Variants in PPARGC1A observed in about 807,000 individuals in gnomAD.
The protein encoded by PPARGC1A is PPARG coactivator 1 alpha, also known as peroxisome proliferator-activated receptor gamma coactivator 1-alpha.
In PPARGC1A, 25 loss-of-function variants were observed where a neutral mutation model predicts 88.7. That is an observed-to-expected ratio of 0.28 (90% confidence interval 0.21 to 0.39). The LOEUF (loss-of-function observed/expected upper bound fraction) is 0.39. PPARGC1A is among the 10% of genes least tolerant of loss of function. The pLI is 1.00. For missense variants in PPARGC1A, 880 were observed against 968.7 expected (o/e 0.91, Z 1.22); for synonymous variants, 363 against 355.6 (o/e 1.02, Z -0.24).
the PPARGC1A span, among the ~76,000 whole-genome samples, chr4:24,290,976 C>G: frequency 2.0e-5 from 3 of 152,100 alleles, no homozygotes; most frequent in Non-Finnish European, 2.9e-5. Flanking sequence ...AATATTGGTT[C>G]GATTCTACTT....
the PPARGC1A span, among the ~76,000 whole-genome samples, chr4:24,233,873 C>A: frequency 1.3e-5 from 2 of 152,066 alleles, no homozygotes; most frequent in Non-Finnish European, 2.9e-5. Context: ...ATGGTCCCAG[C>A]CTAAGAATTT....
the PPARGC1A span, among the ~76,000 whole-genome samples, chr4:24,354,828 A>C: frequency 6.6e-6 from 1 of 152,208 alleles, no homozygotes; most frequent in Non-Finnish European, 1.5e-5. Context: ...CGGAGCTTGT[A>C]GTGAGCCAAG....
intron 2 of PPARGC1A, among the ~76,000 whole-genome samples, chr4:23,839,598 T>C (rs1726681644): frequency 6.6e-6 from 1 of 152,158 alleles, no homozygotes; most frequent in Admixed American, 6.6e-5. Context: ...TCTGGCTGCA[T>C]TGCATAGTCT....
At chr4:24,114,382 G>T in the PPARGC1A span, among the ~76,000 whole-genome samples, 2 of 152,174 alleles carry the variant, frequency 1.3e-5, no homozygotes, top group Non-Finnish European at 2.9e-5. Flanking sequence ...ATCAGTGAGT[G>T]GGTCTGAATT....
chr4:23,865,641 C>G (rs1271177350), intron 2 of PPARGC1A, among the ~76,000 whole-genome samples: 1 of 152,160 alleles, frequency 6.6e-6, no homozygotes, highest in Non-Finnish European at 1.5e-5. Flanking sequence ...AGGACTGAGG[C>G]CTTGTGTTAG....
the PPARGC1A span, among the ~76,000 whole-genome samples, chr4:23,982,035 A>G: frequency 6.6e-6 from 1 of 152,144 alleles, no homozygotes. Context: ...CACACACATC[A>G]AGAAAATGAC....
chr4:23,810,645 C>G (rs1280976671), intron 10 of PPARGC1A, among the ~76,000 whole-genome samples: 1 of 152,148 alleles, frequency 6.6e-6, no homozygotes, highest in Non-Finnish European at 1.5e-5. Context: ...AAATATTAAT[C>G]TGGCTTTAGT....
chr4:24,375,215 G>A, the PPARGC1A span, among the ~76,000 whole-genome samples: 1 of 151,940 alleles, frequency 6.6e-6, no homozygotes, highest in Non-Finnish European at 1.5e-5. Context: ...GTTGAGTTGG[G>A]TGAAGGTTAG....
the PPARGC1A span, among the ~76,000 whole-genome samples, chr4:23,927,386 A>C: frequency 6.6e-6 from 1 of 152,190 alleles, no homozygotes; most frequent in Non-Finnish European, 1.5e-5. Context: ...ATGCCAGTAA[A>C]ATAAAAGCCT....
At chr4:24,176,148 G>A in the PPARGC1A span, among the ~76,000 whole-genome samples, 1 of 152,148 alleles carries the variant, frequency 6.6e-6, no homozygotes, top group African/African-American at 2.4e-5. Context: ...TACAGCTCCT[G>A]GCATTCTGAG....
the PPARGC1A span, among the ~76,000 whole-genome samples, chr4:24,260,457 T>A: frequency 2.0e-5 from 3 of 152,218 alleles, no homozygotes; most frequent in African/African-American, 4.8e-5. Context: ...CCAGTCAGAA[T>A]TTTTTCCCCG....
chr4:24,107,195 T>C, the PPARGC1A span, among the ~76,000 whole-genome samples: 1 of 152,254 alleles, frequency 6.6e-6, no homozygotes, highest in Non-Finnish European at 1.5e-5. Flanking sequence ...ATTTTGCAAA[T>C]GGTTGAATCT....
chr4:24,394,899 T>A, the PPARGC1A span, among the ~76,000 whole-genome samples: 2 of 152,216 alleles, frequency 1.3e-5, no homozygotes, highest in African/African-American at 4.8e-5. Context: ...CACTATTGCT[T>A]AAAAGCAAAT....
At chr4:24,111,665 C>T in the PPARGC1A span, among the ~76,000 whole-genome samples, 1 of 152,200 alleles carries the variant, frequency 6.6e-6, no homozygotes, top group African/African-American at 2.4e-5. Flanking sequence ...CGCAATAACT[C>T]AACCAAATTT....
the PPARGC1A span, among the ~76,000 whole-genome samples, chr4:24,002,097 C>CACAG: frequency 5.7e-3 from 718 of 125,336 alleles, 6 homozygotes; most frequent in African/African-American, 0.018. Context: ...CACACACACA[C>CACAG]AGAGAGAGAG....
chr4:23,846,153 G>T (rs529824718), intron 2 of PPARGC1A, among the ~76,000 whole-genome samples: 9 of 152,168 alleles, frequency 5.9e-5, no homozygotes, highest in Non-Finnish European at 2.9e-5. Context: ...AAAAATGTAA[G>T]ATTTACAGAA....
the PPARGC1A span, among the ~76,000 whole-genome samples, chr4:24,452,266 C>G: frequency 6.7e-6 from 1 of 149,700 alleles, no homozygotes; most frequent in Non-Finnish European, 1.5e-5. Context: ...CACACACAAA[C>G]ACACACACAC....
the PPARGC1A span, among the ~76,000 whole-genome samples, chr4:23,976,211 A>G: frequency 1.3e-5 from 2 of 152,210 alleles, no homozygotes; most frequent in Non-Finnish European, 2.9e-5. Context: ...TGGGACATTT[A>G]TTTGATCATT....
chr4:24,247,230 G>A, the PPARGC1A span, among the ~76,000 whole-genome samples: 2 of 152,062 alleles, frequency 1.3e-5, no homozygotes, highest in Non-Finnish European at 2.9e-5. Flanking sequence ...CTGGTCTTTG[G>A]AATGATAACC....
Sources: allele counts gnomAD v4.1 joint callset (sites outside exome capture counted in the v4.1 genomes callset), GRCh38; gene constraint gnomAD v4.1.1; transcripts MANE v1.5; gene names NCBI Gene and HGNC (gene_info 2026-07-23, HGNC 2026-07-21).